DNAH17: variants seen among roughly 807,000 people sequenced by gnomAD.
The protein encoded by DNAH17 is axonemal beta dynein heavy chain 17.
DNAH17 carries 376 observed loss-of-function variants against 485.6 expected under a neutral mutation model. The observed-to-expected ratio is 0.77, with a 90% CI of 0.71 to 0.84. The LOEUF is 0.84. DNAH17 is among the 40% of genes least tolerant of loss of function. The pLI, the probability that DNAH17 is intolerant of heterozygous loss-of-function variation, is 0.00. For missense variants in DNAH17, 6,370 were observed against 5,839.3 expected (o/e 1.09, Z -2.96); for synonymous variants, 3,031 against 2,405.9 (o/e 1.26, Z -7.60).
intron 55 of DNAH17, 145 bp from the exon 56 acceptor site, chr17:78,466,961 G>C (rs1568097468): frequency 1.3e-6 from 1 of 758,746 alleles, no homozygotes; most frequent in Non-Finnish European, 1.9e-6. Flanking sequence ...TCCTGGTTCT[G>C]GGTTTGAAGG....
chr17:78,566,863 T>C, intron 10 of DNAH17, 133 bp from the exon 11 acceptor site: 2 of 1,323,680 alleles, frequency 1.5e-6, no homozygotes, highest in Non-Finnish European at 2.1e-6. Flanking sequence ...GGGACCGCTC[T>C]ACACAGTTTT....
intron 49 of DNAH17, among the ~76,000 whole-genome samples, chr17:78,480,071 G>A (rs144641788): frequency 0.019 from 2,370 of 127,972 alleles, 714 homozygotes; most frequent in African/African-American, 0.057. Flanking sequence ...GTCCCAGGCC[G>A]GGCACGGTGA....
intron 14 of DNAH17, among the ~76,000 whole-genome samples, chr17:78,556,872 T>C (rs1227998814): frequency 1.3e-5 from 2 of 152,194 alleles, no homozygotes; most frequent in Admixed American, 1.3e-4. Context: ...TGCAACAACA[T>C]AGATTAACTC....
chr17:78,439,180 G>C lies in DNAH17; in HGVS notation c.11715C>G (p.Leu3905=). 1 of 1,613,356 alleles carries C rather than the reference G, an allele frequency of 6.2e-7. No individual in the cohort carries two copies. The change falls in exon 73 of 81, where the codon CTC becomes CTG. Residue 3905 remains leucine (L), a synonymous_variant. Coordinates refer to ENST00000389840, the MANE Select transcript of DNAH17 (RefSeq NM_173628.4). The stretch of plus-strand genomic sequence containing the variant: ...GTCCCTGCCCCAGGGACACATTATG[G>C]AGTTTTCCATTGTCTATGGTAAACC... ...KLGFTIDNGK[L]HNVSLGQGQE...
chr17:78,453,788 A>C (rs1418003842), intron 64 of DNAH17, among the ~76,000 whole-genome samples: 1 of 152,228 alleles, frequency 6.6e-6, no homozygotes, highest in Non-Finnish European at 1.5e-5. Context: ...CCCAGGCTCA[A>C]GTGATCCTCC....
intron 17 of DNAH17, among the ~76,000 whole-genome samples, chr17:78,541,999 G>A (rs558465246): frequency 1.3e-5 from 2 of 152,158 alleles, no homozygotes; most frequent in South Asian, 2.1e-4. Context: ...GAGCAATGAT[G>A]TGACAATAGG....
At chr17:78,440,949 T>A (rs1458708190) in intron 72 of DNAH17, 102 bp downstream of exon 72, 2 of 1,391,058 alleles carry the variant, frequency 1.4e-6, no homozygotes, top group Non-Finnish European at 2.0e-6. Context: ...GCGTCTTGGG[T>A]GTGAAGTGGT....
intron 74 of DNAH17, 42 bp from the exon 75 acceptor site, chr17:78,434,262 A>T: frequency 6.4e-7 from 1 of 1,558,964 alleles, no homozygotes; most frequent in Admixed American, 1.8e-5. Context: ...GGAGAGGGAG[A>T]AGTTTACACA....
intron 11 of DNAH17, among the ~76,000 whole-genome samples, chr17:78,562,965 A>G (rs768733976): frequency 1.4e-4 from 21 of 152,172 alleles, no homozygotes; most frequent in Non-Finnish European, 2.1e-4. Context: ...CCCACGCCCA[A>G]TGGGGGCCAG....
rs1437516441 is a variant in DNAH17 at position 78,558,264 on chromosome 17, A to G, written c.2032-10T>C. The G allele has an allele frequency of 6.2e-7, 1 of 1,612,902 alleles. No homozygotes were observed. Among genetic ancestry groups the G allele is most frequent in the Non-Finnish European group, 8.5e-7 (1 of 1,179,418 alleles). ...TCAGAACTGCCACCAACTAAATGAC[A>G]AACGAAGATCAAAGAACATGTCAGC... On this transcript the variant is annotated splice_polypyrimidine_tract_variant and intron_variant, in intron 13 of 80. Coordinates refer to ENST00000389840, the MANE Select transcript of DNAH17 (RefSeq NM_173628.4).
intron 7 of DNAH17, 142 bp from the exon 8 acceptor site, chr17:78,569,669 CGTTTT>C: frequency 9.2e-7 from 1 of 1,081,892 alleles, no homozygotes. Flanking sequence ...ACTGCTGGGC[CGTTTT>C]TAGGGGACCG....
At chr17:78,497,783 G>C (rs1330590011) in intron 37 of DNAH17, among the ~76,000 whole-genome samples, 1 of 152,232 alleles carries the variant, frequency 6.6e-6, no homozygotes, top group African/African-American at 2.4e-5. Context: ...TTACAGGTTA[G>C]AAGGTGGAGG....
chr17:78,448,550 C>T (rs746993725), intron 69 of DNAH17, among the ~76,000 whole-genome samples: 5 of 152,050 alleles, frequency 3.3e-5, no homozygotes, highest in Non-Finnish European at 5.9e-5. Context: ...GCAACAACAA[C>T]AAAAACTAGT....
chr17:78,445,514 A>G, intron 70 of DNAH17, 44 bp downstream of exon 70: 2 of 1,548,252 alleles, frequency 1.3e-6, no homozygotes, highest in African/African-American at 1.4e-5. Flanking sequence ...AGGGGGCTCC[A>G]CGGCGGGGAG....
Position 78,507,304 on chromosome 17 carries a change from G to C in DNAH17, c.4650C>G (p.Tyr1550Ter), listed in dbSNP as rs925765050. 7 of 1,614,020 alleles carry C rather than the reference G, an allele frequency of 4.3e-6. No homozygotes were observed. The highest frequency in any genetic ancestry group is 5.9e-6 in the Non-Finnish European group (7 of 1,179,898). ...VVEATSKPGL[Y>*]NKLEALKKSL... ...TCTTCTTCAGGGCCTCCAGTTTATT[G>C]TAGAGGCCGGGTTTGCTGGTGGCTT... The change falls in exon 29 of 81, where the codon TAC (tyrosine) becomes TAG (stop). Residue 1550 changes from tyrosine (Y) to a stop codon, truncating the protein, a stop_gained. Coordinates refer to ENST00000389840, the MANE Select transcript of DNAH17 (RefSeq NM_173628.4). LOFTEE classifies it high-confidence loss of function.
At chr17:78,463,172 G>A in intron 56 of DNAH17, 95 bp from the exon 57 acceptor site, 2 of 1,137,752 alleles carry the variant, frequency 1.8e-6, no homozygotes, top group Non-Finnish European at 2.6e-6. Context: ...TGGACAAGGT[G>A]CCCTGAGACC....
intron 78 of DNAH17, 117 bp downstream of exon 78, chr17:78,426,809 A>C: frequency 7.5e-7 from 1 of 1,325,692 alleles, no homozygotes; most frequent in Non-Finnish European, 1.0e-6. Flanking sequence ...AGCTCTGGAG[A>C]GGGAGCAGTA....
At chr17:78,453,094 G>A (rs986020057) in intron 65 of DNAH17, among the ~76,000 whole-genome samples, 8 of 152,214 alleles carry the variant, frequency 5.3e-5, no homozygotes, top group African/African-American at 1.9e-4. Context: ...TCACCTTCAA[G>A]CCTCCCCATC....
intron 17 of DNAH17, among the ~76,000 whole-genome samples, chr17:78,542,617 A>C (rs1320813684): frequency 1.3e-5 from 2 of 152,220 alleles, no homozygotes; most frequent in Non-Finnish European, 2.9e-5. Flanking sequence ...CAAAGCACCC[A>C]GGAATGCCAG....
Sources: gnomAD v4.1 joint callset for allele counts (sites outside exome capture counted in the v4.1 genomes callset) on GRCh38, gnomAD v4.1.1 for gene constraint, MANE v1.5 for transcripts, NCBI Gene and HGNC (gene_info 2026-07-23, HGNC 2026-07-21) for gene names.